The following NEURL1 variants were observed in gnomAD, a reference collection of about 807,000 sequenced individuals.
The protein encoded by NEURL1 is neuralized E3 ubiquitin protein ligase 1, also known as E3 ubiquitin-protein ligase NEURL1.
A neutral mutation model predicts 41.2 loss-of-function variants in NEURL1; 26 were observed. The ratio of observed to expected loss-of-function variants is 0.63; its 90% confidence interval spans 0.46 to 0.87. NEURL1 has a LOEUF of 0.87. Ranked by LOEUF, NEURL1 falls within the 40% of genes least tolerant of loss-of-function variation. NEURL1 has a pLI of 0.00. For missense variants in NEURL1, 761 were observed against 871.1 expected (o/e 0.87, Z 1.59); for synonymous variants, 400 against 402.3 (o/e 0.99, Z 0.07).
At chr10:103,503,856 TCA>T (rs1309762711) in intron 1 of NEURL1, among the ~76,000 whole-genome samples, 1 of 141,872 alleles carries the variant, frequency 7.0e-6, no homozygotes, top group South Asian at 2.5e-4. Context: ...AGTGGCGTGA[TCA>T]CAGCTCACTG....
At position 103,568,285 on chromosome 10, in the gene NEURL1, G is replaced by T. The variant is rs191739343; in HGVS notation, c.86-2587G>T. Among the ~76,000 whole-genome samples, 691 of 152,320 alleles carry T rather than the reference G, an allele frequency of 4.5e-3. 3 individuals carry two copies. Among genetic ancestry groups the T allele is most frequent in the African/African-American group, 0.016 (664 of 41,564 alleles). ...ATTGGCAGGGGTCCTCTCTGGAAGG[G>T]AGGCCTTGGGGAATGTCCTTCCAGG... On this transcript the variant is annotated intron_variant, in intron 1 of 5. Transcript: ENST00000369780.
At chr10:103,542,735 C>A (rs2034846019) in intron 1 of NEURL1, among the ~76,000 whole-genome samples, 1 of 152,130 alleles carries the variant, frequency 6.6e-6, no homozygotes, top group African/African-American at 2.4e-5. Context: ...CTTTGGTTTT[C>A]TCATCTGTAA....
At chr10:103,570,456 A>AT (rs1242579098) in intron 1 of NEURL1, among the ~76,000 whole-genome samples, 2 of 152,152 alleles carry the variant, frequency 1.3e-5, no homozygotes, top group Non-Finnish European at 1.5e-5. Context: ...TATTCAGCAG[A>AT]TATGTCATAA....
At chr10:103,552,629 G>A (rs1316318757) in intron 1 of NEURL1, among the ~76,000 whole-genome samples, 2 of 152,210 alleles carry the variant, frequency 1.3e-5, no homozygotes, top group Non-Finnish European at 2.9e-5. Flanking sequence ...CTGGATAAAT[G>A]TCTGTTTCCT....
chr10:103,536,227 T>G (rs2034688836), intron 1 of NEURL1, among the ~76,000 whole-genome samples: 1 of 152,156 alleles, frequency 6.6e-6, no homozygotes, highest in Non-Finnish European at 1.5e-5. Context: ...ACTCTGGCAC[T>G]CTCCCTCAGT....
chr10:103,555,390 A>G, intron 1 of NEURL1: 16 of 1,359,748 alleles, frequency 1.2e-5, no homozygotes, highest in Non-Finnish European at 1.4e-5. Flanking sequence ...ATGGGGGGAC[A>G]GATCACCCGG....
chr10:103,532,466 AT>A (rs1024193943), intron 1 of NEURL1, among the ~76,000 whole-genome samples: 1 of 152,168 alleles, frequency 6.6e-6, no homozygotes. Flanking sequence ...GTGGTGATGA[AT>A]TCTTTCAGTT....
intron 1 of NEURL1, among the ~76,000 whole-genome samples, chr10:103,543,681 C>T (rs958538897): frequency 6.6e-6 from 1 of 152,236 alleles, no homozygotes; most frequent in African/African-American, 2.4e-5. Context: ...GCACAGAGGA[C>T]TGGCTGGACA....
At chr10:103,568,901 A>C (rs1399094548) in intron 1 of NEURL1, among the ~76,000 whole-genome samples, 1 of 152,122 alleles carries the variant, frequency 6.6e-6, no homozygotes, top group East Asian at 1.9e-4. Flanking sequence ...TGCAACCTCC[A>C]CCTTCTGGGT....
intron 1 of NEURL1, among the ~76,000 whole-genome samples, chr10:103,522,767 T>C (rs1457986646): frequency 7.9e-5 from 12 of 152,180 alleles, no homozygotes; most frequent in African/African-American, 2.9e-4. Flanking sequence ...AGTTGGTGTC[T>C]TGATGCAGAG....
intron 1 of NEURL1, among the ~76,000 whole-genome samples, chr10:103,510,619 G>A (rs948502592): frequency 1.3e-5 from 2 of 152,188 alleles, no homozygotes; most frequent in Non-Finnish European, 2.9e-5. Flanking sequence ...AAGGGGCCCA[G>A]CTGTCTCCCT....
At chr10:103,564,296 G>A (rs1406160406) in intron 1 of NEURL1, among the ~76,000 whole-genome samples, 2 of 152,190 alleles carry the variant, frequency 1.3e-5, no homozygotes, top group Admixed American at 1.3e-4. Context: ...TGAGGAGGGT[G>A]CCCCCACTGG....
chr10:103,540,383 G>A (rs1302892111), intron 1 of NEURL1, among the ~76,000 whole-genome samples: 2 of 151,962 alleles, frequency 1.3e-5, no homozygotes, highest in Admixed American at 6.6e-5. Context: ...TCTACCTCCC[G>A]AGTTCAAGTG....
intron 1 of NEURL1, among the ~76,000 whole-genome samples, chr10:103,516,227 C>CAAAAAAAAAAAAAAAA (rs59180957): frequency 1.7e-5 from 1 of 59,350 alleles, no homozygotes; most frequent in Non-Finnish European, 3.3e-5. Flanking sequence ...GACCCCATCT[C>CAAAAAAAAAAAAAAAA]AAAAAAAAAA....
intron 1 of NEURL1, among the ~76,000 whole-genome samples, chr10:103,539,919 C>A: frequency 6.6e-6 from 1 of 152,148 alleles, no homozygotes; most frequent in East Asian, 1.9e-4. Flanking sequence ...GGAATGTGGG[C>A]AAGCTGGCTG....
intron 3 of NEURL1, among the ~76,000 whole-genome samples, chr10:103,583,706 A>AG (rs1564831982): frequency 9.8e-5 from 2 of 20,480 alleles, no homozygotes; most frequent in Non-Finnish European, 1.8e-4. Flanking sequence ...ATCCTGTCTC[A>AG]AAAAAAAAAA....
In NEURL1 at chr10:103,525,339, C is replaced by T. The variant is rs1012651189; in HGVS notation, c.85+30867C>T. On this transcript the variant is annotated intron_variant, in intron 1 of 5. Coordinates refer to ENST00000369780, the MANE Select transcript of NEURL1 (RefSeq NM_004210.5). ...GAGTTTTTTTGGTGGAGTTTTTTTT[C>T]TTTCTTTCTTTCTTTTTTCTTTTTT... Among the ~76,000 whole-genome samples the T allele has an allele frequency of 1.3e-3, 192 of 147,010 alleles. 1 individual carries two copies. The highest frequency in any genetic ancestry group is 0.01 in the Middle Eastern group (3 of 290).
At chr10:103,585,255 T>A in intron 4 of NEURL1, 30 bp downstream of exon 4, 1 of 1,461,462 alleles carries the variant, frequency 6.8e-7, no homozygotes, top group South Asian at 1.4e-5. Context: ...CCTGGGCGTA[T>A]GCCTTTCCTG....
In NEURL1 at chr10:103,551,297, ATTT is replaced by A. The variant is rs528332099; in HGVS notation, c.86-19554_86-19552del. ...GTAACAGAATCCTTTGGTCAAATGA[ATTT>A]TTTTTTTTTTTTTTTTTTTTGAGAT... On this transcript the variant is annotated intron_variant, in intron 1 of 5. Coordinates refer to ENST00000369780, the MANE Select transcript of NEURL1 (RefSeq NM_004210.5). Among the ~76,000 whole-genome samples, 1,072 of 118,656 alleles carry A rather than the reference ATTT, an allele frequency of 9.0e-3. 4 individuals are homozygous for A. Among genetic ancestry groups the A allele is most frequent in the African/African-American group, 0.024 (670 of 27,450 alleles). The allele number at this position is 118,656 out of a possible 152,430, so 77.8% of individuals were successfully genotyped here.
Sources: allele counts gnomAD v4.1 joint callset (sites outside exome capture counted in the v4.1 genomes callset), GRCh38; gene constraint gnomAD v4.1.1; transcripts MANE v1.5; gene names NCBI Gene and HGNC (gene_info 2026-07-23, HGNC 2026-07-21).